CATSPERB: variants seen among roughly 807,000 people sequenced by gnomAD.
CATSPERB encodes the protein cation channel sperm-associated auxiliary subunit beta.
A neutral mutation model predicts 128.3 loss-of-function variants in CATSPERB; 93 were observed. That is an observed-to-expected ratio of 0.72 (90% CI 0.61 to 0.86). CATSPERB has a LOEUF of 0.86. Among genes scored for constraint, CATSPERB ranks in the 40% least tolerant of loss-of-function variants. The probability of loss-of-function intolerance (pLI) is 0.00; values close to 1 mark genes in which losing one functional copy is unlikely to be tolerated. For missense variants in CATSPERB, 1,153 were observed against 1,329.5 expected (o/e 0.87, Z 2.06); for synonymous variants, 381 against 448.8 (o/e 0.85, Z 1.91).
chr14:91,608,430 G>T, intron 21 of CATSPERB, 26 bp from the exon 22 acceptor site: 5 of 1,251,054 alleles, frequency 4.0e-6, no homozygotes, highest in Non-Finnish European at 4.7e-6. Flanking sequence ...CAAAGAAAAT[G>T]TACAATTCAT....
intron 22 of CATSPERB, chr14:91,605,065 T>G: frequency 8.2e-7 from 1 of 1,216,090 alleles, no homozygotes; most frequent in South Asian, 1.2e-5. Flanking sequence ...CTTCCTTTTT[T>G]CTGGCACTCT....
intron 6 of CATSPERB, among the ~76,000 whole-genome samples, chr14:91,706,224 A>G (rs1218499609): frequency 6.6e-6 from 1 of 152,226 alleles, no homozygotes; most frequent in Non-Finnish European, 1.5e-5. Flanking sequence ...GCACAAGGAC[A>G]GCCAAGAAGG....
intron 17 of CATSPERB, among the ~76,000 whole-genome samples, chr14:91,629,878 C>T (rs1183144495): frequency 6.6e-6 from 1 of 151,992 alleles, no homozygotes; most frequent in African/African-American, 2.4e-5. Flanking sequence ...GGGATTTGTG[C>T]AATGGAGAAT....
At chr14:91,604,944 G>A in intron 22 of CATSPERB, 1 of 1,182,804 alleles carries the variant, frequency 8.5e-7, no homozygotes, top group Non-Finnish European at 1.3e-6. Context: ...GAAAGTTCTT[G>A]CATCTGCTGG....
chr14:91,686,504 C>T (rs994459311), intron 10 of CATSPERB, among the ~76,000 whole-genome samples: 1 of 152,130 alleles, frequency 6.6e-6, no homozygotes, highest in East Asian at 1.9e-4. Flanking sequence ...GATCCTTAAA[C>T]TCTTAAAAAT....
chr14:91,593,904 C>T (rs1893453590), intron 22 of CATSPERB, among the ~76,000 whole-genome samples: 1 of 75,042 alleles, frequency 1.3e-5, no homozygotes, highest in South Asian at 7.3e-4. Flanking sequence ...GTCATTGAAT[C>T]ATGGGCGCTG....
At chr14:91,621,378 C>T (rs375696878) in intron 19 of CATSPERB, among the ~76,000 whole-genome samples, 29 of 151,846 alleles carry the variant, frequency 1.9e-4, no homozygotes, top group African/African-American at 6.3e-4. Flanking sequence ...CCAGCCTGGG[C>T]GATGGAGGGG....
intron 17 of CATSPERB, among the ~76,000 whole-genome samples, chr14:91,629,925 T>C (rs1488627913): frequency 6.6e-6 from 1 of 152,152 alleles, no homozygotes; most frequent in Non-Finnish European, 1.5e-5. Context: ...GGAACAACTG[T>C]TGAGTGGAGA....
At chr14:91,714,555 C>CG (rs777884404) in intron 5 of CATSPERB, among the ~76,000 whole-genome samples, 7 of 88,030 alleles carry the variant, frequency 8.0e-5, no homozygotes, top group Non-Finnish European at 1.4e-4. Context: ...CCATAAACTA[C>CG]TTTTTTTTTT....
In CATSPERB at chr14:91,621,932, G is replaced by T; in HGVS notation, c.1936C>A (p.Gln646Lys). The T allele has an allele frequency of 6.3e-7, 1 of 1,580,556 alleles. No homozygotes were observed. Among genetic ancestry groups the T allele is most frequent in the Admixed American group, 1.9e-5 (1 of 53,698 alleles). The change falls in exon 19 of 27, where the codon CAG becomes AAG. Residue 646 changes from glutamine (Q) to lysine (K), a missense_variant. Coordinates refer to ENST00000256343, the MANE Select transcript of CATSPERB (RefSeq NM_024764.4). ...YKLTLDSQVV[Q>K]ALFEDTDIEK... The stretch of plus-strand genomic sequence containing the variant: ...ATATCTGTATCTTCAAACAAGGCCT[G>T]AACAACTGGAGATTAAACAGAAGAG...
chr14:91,719,439 C>G lies in CATSPERB; in HGVS notation c.349G>C (p.Glu117Gln). 1 of 1,611,472 alleles carries G rather than the reference C, an allele frequency of 6.2e-7. No homozygotes were observed. The highest frequency in any genetic ancestry group is 8.5e-7 in the Non-Finnish European group (1 of 1,178,652). ...TTACCTGTGCTTTGTGTGATGTTTTCTCTAGGAATATCAACCAACCACAAA... is the reference window on the plus strand; with the variant it reads ...TTACCTGTGCTTTGTGTGATGTTTTGTCTAGGAATATCAACCAACCACAAA... ...RILWLVDIPR[E>Q]NITQSTDIAA... Residue 117 changes from glutamate to glutamine, a missense_variant, in exon 5 of 27, where the codon GAA (glutamate) becomes CAA (glutamine). By Grantham distance (29) the Glu-to-Gln change is conservative. Transcript: ENST00000256343.
chr14:91,709,758 T>G (rs1895805547), intron 5 of CATSPERB: 1 of 151,414 alleles, frequency 6.6e-6, no homozygotes, highest in Non-Finnish European at 1.5e-5. Flanking sequence ...TAACTTTCAA[T>G]AAGTACTGAT....
rs1555359439 is a variant in CATSPERB at position 91,598,857 on chromosome 14, C to CAG, written c.2710-6856_2710-6855insCT. Among the ~76,000 whole-genome samples the CAG allele has an allele frequency of 1.2e-3, 128 of 110,050 alleles. 1 individual carries two copies. Among genetic ancestry groups the CAG allele is most frequent in the Admixed American group, 2.1e-3 (20 of 9,440 alleles). The allele number at this position is 110,050 out of a possible 152,430, so 72.2% of individuals were successfully genotyped here. ...TGGGCAACAGAGCAAGACTCTGTCT[C>CAG]AAAAAAAAAAAAAAAAAAAGGAAAA... On this transcript the variant is annotated intron_variant, in intron 22 of 26. Transcript: ENST00000256343.
At chr14:91,588,305 G>A (rs1006597611) in intron 24 of CATSPERB, among the ~76,000 whole-genome samples, 3 of 151,976 alleles carry the variant, frequency 2.0e-5, no homozygotes, top group Admixed American at 2.0e-4. Flanking sequence ...CTTTGTAGAC[G>A]ATGTATTTAG....
intron 5 of CATSPERB, chr14:91,710,339 T>G (rs1895817737): frequency 6.6e-6 from 1 of 152,256 alleles, no homozygotes; most frequent in Non-Finnish European, 1.5e-5. Flanking sequence ...CTAATAGATA[T>G]AGCTGTAGCC....
intron 15 of CATSPERB, among the ~76,000 whole-genome samples, 171 bp from the exon 16 acceptor site, chr14:91,639,421 T>C: frequency 6.6e-6 from 1 of 152,132 alleles, no homozygotes; most frequent in East Asian, 1.9e-4. Flanking sequence ...CTGGAAAGCC[T>C]TTTCCAGACT....
At chr14:91,718,994 CA>C (rs1186564194) in intron 5 of CATSPERB, among the ~76,000 whole-genome samples, 1 of 152,102 alleles carries the variant, frequency 6.6e-6, no homozygotes, top group Non-Finnish European at 1.5e-5. Flanking sequence ...TAGGTACATA[CA>C]GTAGCATATG....
chr14:91,646,327 C>T (rs56233411), intron 15 of CATSPERB: 44,333 of 152,600 alleles, frequency 0.29, 6,569 homozygotes, highest in Middle Eastern at 0.34. Context: ...TAGACTCCAT[C>T]CACTTCTCAC....
chr14:91,667,345 A>G (rs1895004258), intron 14 of CATSPERB, among the ~76,000 whole-genome samples: 1 of 152,114 alleles, frequency 6.6e-6, no homozygotes, highest in Admixed American at 6.6e-5. Context: ...AGTGTCTGGC[A>G]GAGGCAGGGA....
Sources: allele counts gnomAD v4.1 joint callset (sites outside exome capture counted in the v4.1 genomes callset), GRCh38; gene constraint gnomAD v4.1.1; transcripts MANE v1.5; gene names NCBI Gene and HGNC (gene_info 2026-07-23, HGNC 2026-07-21).